Variants in ATP8A2 observed in about 807,000 individuals in gnomAD.
ATP8A2 encodes phospholipid-transporting ATPase IB.
In ATP8A2, 100 loss-of-function variants were observed where a neutral mutation model predicts 165.6. The observed-to-expected ratio is 0.60, with a 90% CI of 0.51 to 0.71. ATP8A2 has a LOEUF of 0.71. ATP8A2 is among the 30% of genes least tolerant of loss of function. ATP8A2 has a pLI of 0.00. For synonymous variants in ATP8A2, 543 were observed against 548.8 expected (o/e 0.99, Z 0.15); for missense variants, 1,227 against 1,479.5 (o/e 0.83, Z 2.80).
rs61624884 is a variant in ATP8A2 at position 25,504,602 on chromosome 13, T to A, written c.222-25397T>A. Among the ~76,000 whole-genome samples, 64 of 146,882 alleles carry A rather than the reference T, an allele frequency of 4.4e-4. No individual in the cohort carries two copies. In the South Asian group the frequency reaches 6.7e-3, roughly 15 times the overall value. On this transcript the variant is annotated intron_variant, in intron 2 of 36. Coordinates refer to ENST00000381655, the MANE Select transcript of ATP8A2 (RefSeq NM_016529.6). The stretch of plus-strand genomic sequence containing the variant: ...AAAAATACAAAAAATTAGCCGGGCG[T>A]GGTGGCGGGCGCCTGTAGTCCCAGC...
At chr13:25,860,982 A>G (rs1952332682) in intron 32 of ATP8A2, 122 bp downstream of exon 32, 2 of 743,374 alleles carry the variant, frequency 2.7e-6, no homozygotes, top group Non-Finnish European at 4.5e-6. Flanking sequence ...TTTTCTGTGT[A>G]AAAATTGTGG....
chr13:26,019,661 C>T (rs1055438946), intron 36 of ATP8A2, among the ~76,000 whole-genome samples: 3 of 152,208 alleles, frequency 2.0e-5, no homozygotes, highest in Admixed American at 1.3e-4. Context: ...CTTTCCCTTC[C>T]CAGCATCAGC....
Position 25,829,676 on chromosome 13 carries a change from A to G in ATP8A2, c.2754+1484A>G, listed in dbSNP as rs575933819. 9.2e-3 allele frequency among the ~76,000 whole-genome samples: 168 copies of G among 18,264 alleles called. 1 individual carries two copies. The highest frequency in any genetic ancestry group is 0.037 in the African/African-American group (161 of 4,344). The allele number at this position is 18,264 out of a possible 152,430, so 12.0% of individuals were successfully genotyped here. ...AGCCAAGGACAGGTGTGGTATATAT[A>G]TATATATATATATATATATATATAT... On this transcript the variant is annotated intron_variant, in intron 28 of 36. Coordinates refer to ENST00000381655, the MANE Select transcript of ATP8A2 (RefSeq NM_016529.6).
intron 24 of ATP8A2, chr13:25,649,045 T>C: frequency 2.0e-6 from 1 of 507,026 alleles, no homozygotes; most frequent in East Asian, 5.5e-5. Context: ...TCAGTTTCTT[T>C]TGGAGATGTC....
At chr13:25,977,358 C>A (rs973919432) in intron 35 of ATP8A2, among the ~76,000 whole-genome samples, 1 of 152,126 alleles carries the variant, frequency 6.6e-6, no homozygotes, top group African/African-American at 2.4e-5. Context: ...TTAAAGCTCT[C>A]GCCTTGCTGA....
chr13:26,017,162 G>A (rs1462405753), intron 36 of ATP8A2, among the ~76,000 whole-genome samples: 2 of 152,148 alleles, frequency 1.3e-5, no homozygotes, highest in Non-Finnish European at 2.9e-5. Context: ...CATTCTTTGG[G>A]GTGACTGTTC....
intron 33 of ATP8A2, among the ~76,000 whole-genome samples, chr13:25,896,665 T>G (rs1396331665): frequency 6.6e-6 from 1 of 152,150 alleles, no homozygotes; most frequent in African/African-American, 2.4e-5. Flanking sequence ...TGTGTGGGAG[T>G]CTAAGTCTCT....
At chr13:25,915,265 G>A (rs991786141) in intron 33 of ATP8A2, among the ~76,000 whole-genome samples, 11 of 152,364 alleles carry the variant, frequency 7.2e-5, no homozygotes, top group Admixed American at 2.0e-4. Context: ...TCAACGGGTT[G>A]TGTATCAGTC....
intron 1 of ATP8A2, among the ~76,000 whole-genome samples, chr13:25,450,429 A>C (rs2035182112): frequency 6.6e-6 from 1 of 152,180 alleles, no homozygotes; most frequent in Non-Finnish European, 1.5e-5. Flanking sequence ...GAACTAATTT[A>C]CACTTCAACC....
rs148619850 is a variant in ATP8A2, at chr13:25,384,435, A to T, written c.76+12147A>T. 2.6e-3 allele frequency among the ~76,000 whole-genome samples: 388 copies of T among 152,056 alleles called. 3 individuals are homozygous for T. The highest frequency in any genetic ancestry group is 7.5e-3 in the African/African-American group (312 of 41,490). On this transcript the variant is annotated intron_variant, in intron 1 of 36. Transcript: ENST00000381655. ...ATGCATTCTCCCTTTTCTGGTGGCAACTCTAGAATTAGACTGCTCTTGCCA... is the reference window on the plus strand; with the variant it reads ...ATGCATTCTCCCTTTTCTGGTGGCATCTCTAGAATTAGACTGCTCTTGCCA...
At chr13:25,400,415 T>A (rs1360627611) in intron 1 of ATP8A2, among the ~76,000 whole-genome samples, 2 of 152,224 alleles carry the variant, frequency 1.3e-5, no homozygotes, top group African/African-American at 4.8e-5. Context: ...ATTTATGGGG[T>A]ACATGCGAGT....
At position 25,756,954 on chromosome 13, in the gene ATP8A2, C is replaced by T. The variant is rs2044275675; in HGVS notation, c.2385-12092C>T. Among the ~76,000 whole-genome samples, 2 of 152,130 alleles carry T rather than the reference C, an allele frequency of 1.3e-5. 1 individual carries two copies. Among genetic ancestry groups the T allele is most frequent in the South Asian group, 4.1e-4 (2 of 4,826 alleles). On this transcript the variant is annotated intron_variant, in intron 25 of 36. Transcript: ENST00000381655. ...GTCTGGTTAAGAAGAGGCAGGGAGCCCCTGTACAGCCCATCCCTTGAATCC... is the reference window on the plus strand; with the variant it reads ...GTCTGGTTAAGAAGAGGCAGGGAGCTCCTGTACAGCCCATCCCTTGAATCC...
At chr13:25,539,726 T>C in intron 7 of ATP8A2, among the ~76,000 whole-genome samples, 1 of 152,248 alleles carries the variant, frequency 6.6e-6, no homozygotes, top group South Asian at 2.1e-4. Context: ...TGAACCTAGC[T>C]AAACTCAAAG....
chr13:25,896,878 T>C (rs1164465357), intron 33 of ATP8A2, among the ~76,000 whole-genome samples: 3 of 152,202 alleles, frequency 2.0e-5, no homozygotes, highest in Non-Finnish European at 2.9e-5. Flanking sequence ...TTGTTTTCCA[T>C]TTGCTTGGTA....
intron 36 of ATP8A2, among the ~76,000 whole-genome samples, chr13:26,016,896 C>T (rs1956988916): frequency 6.6e-6 from 1 of 152,082 alleles, no homozygotes; most frequent in Admixed American, 6.6e-5. Flanking sequence ...CTTGCCTGGT[C>T]CAGGCCATTT....
At chr13:25,702,772 C>T (rs748543174) in intron 25 of ATP8A2, among the ~76,000 whole-genome samples, 11 of 152,142 alleles carry the variant, frequency 7.2e-5, no homozygotes, top group Non-Finnish European at 1.3e-4. Flanking sequence ...CAGCAGACTC[C>T]CTTTTGTGCT....
intron 18 of ATP8A2, 104 bp from the exon 19 acceptor site, chr13:25,574,702 GAA>G (rs1491267616): frequency 2.6e-6 from 2 of 759,394 alleles, no homozygotes; most frequent in Non-Finnish European, 4.8e-6. Context: ...TAGAAGGTGG[GAA>G]GAGAGAGAGA....
At chr13:25,688,088 C>A (rs977629475) in intron 24 of ATP8A2, among the ~76,000 whole-genome samples, 4 of 152,040 alleles carry the variant, frequency 2.6e-5, no homozygotes, top group African/African-American at 4.8e-5. Context: ...GCCAGACATG[C>A]GGTGATCTTT....
intron 12 of ATP8A2, among the ~76,000 whole-genome samples, chr13:25,554,295 T>G (rs763054080): frequency 2.8e-4 from 42 of 152,174 alleles, no homozygotes; most frequent in Non-Finnish European, 5.3e-4. Flanking sequence ...ATAGTCAACT[T>G]GGATTTGATT....
Sources: allele counts gnomAD v4.1 joint callset (sites outside exome capture counted in the v4.1 genomes callset), GRCh38; gene constraint gnomAD v4.1.1; transcripts MANE v1.5; gene names NCBI Gene and HGNC (gene_info 2026-07-23, HGNC 2026-07-21).